EDA: variants seen among roughly 807,000 people sequenced by gnomAD.
EDA encodes the protein ectodysplasin-A.
EDA carries 2 observed loss-of-function variants against 23.6 expected under a neutral mutation model. The ratio of observed to expected loss-of-function variants is 0.08; its 90% CI spans 0.03 to 0.27. The LOEUF (loss-of-function observed/expected upper bound fraction) is 0.27, where lower values mean the gene tolerates loss of function less well. Among genes scored for constraint, EDA ranks in the 10% least tolerant of loss-of-function variants. The pLI, the probability that EDA is intolerant of heterozygous loss-of-function variation, is 1.00. For synonymous variants in EDA, 131 were observed against 132.0 expected, an observed-to-expected ratio of 0.99 and a Z score of 0.05; for missense variants, 229 against 324.2, an observed-to-expected ratio of 0.71 and a Z score of 2.26.
At chrX:69,740,365 T>C (rs2013414948) in intron 1 of EDA, among the ~76,000 whole-genome samples, 1 of 111,570 alleles carries the variant, frequency 9.0e-6, no homozygotes, top group African/African-American at 3.2e-5. Context: ...TATAGGACTA[T>C]CTATATCATC....
At chrX:69,855,354 G>A (rs59445027) in intron 1 of EDA, among the ~76,000 whole-genome samples, 33,281 of 110,796 alleles carry the variant, frequency 0.3, 4,696 homozygotes, top group Middle Eastern at 0.55. Context: ...GTTGCTTTTG[G>A]AAAGCAAAGA....
chrX:70,014,013 G>A (rs1346767331), intron 2 of EDA, among the ~76,000 whole-genome samples: 1 of 112,218 alleles, frequency 8.9e-6, no homozygotes, highest in African/African-American at 3.2e-5. Flanking sequence ...CTGGGGTGGA[G>A]CTCCAAGATA....
At chrX:69,952,786 G>C (rs916635780) in intron 1 of EDA, among the ~76,000 whole-genome samples, 1 of 111,292 alleles carries the variant, frequency 9.0e-6, no homozygotes, top group Non-Finnish European at 1.9e-5. Context: ...GCTCCTATTA[G>C]ACCCTTAGAA....
intron 1 of EDA, among the ~76,000 whole-genome samples, chrX:69,888,978 T>TTATATATA (rs935436674): frequency 0.023 from 365 of 15,947 alleles, 23 homozygotes; most frequent in Non-Finnish European, 0.027. Flanking sequence ...TGTGGGGTAG[T>TTATATATA]TATATATATA....
chrX:69,681,038 A>C (rs1367488021), intron 1 of EDA, among the ~76,000 whole-genome samples: 1 of 108,974 alleles, frequency 9.2e-6, no homozygotes, highest in African/African-American at 3.4e-5. Context: ...ATCTCTCAGC[A>C]TTTGCTTGTG....
In EDA at chrX:69,616,341, C is replaced by G; in HGVS notation, c.33C>G (p.Leu11=). ...ACCCGGAGGTGGAGCGCAGGGAACT[C>G]CTGCCTGCAGCAGCGCCGCGGGAGC... is the stretch of plus-strand genomic sequence containing the variant. MGYPEVERRE[L]LPAAAPRERG... is the part of the protein sequence containing the mutation. The change falls in exon 1 of 8, where the codon CTC becomes CTG. Residue 11 remains leucine (L), a synonymous_variant. Coordinates refer to ENST00000374552, the MANE Select transcript of EDA (RefSeq NM_001399.5). 8.3e-7 allele frequency: 1 copy of G among 1,203,946 alleles called. No homozygotes were observed. The highest frequency in any genetic ancestry group is 1.1e-6 in the Non-Finnish European group (1 of 894,213).
At chrX:69,688,528 G>A (rs1934612564) in intron 1 of EDA, among the ~76,000 whole-genome samples, 1 of 111,215 alleles carries the variant, frequency 9.0e-6, no homozygotes, top group South Asian at 3.8e-4. Context: ...AGCCTCCCAA[G>A]TAGCTGAGAT....
intron 1 of EDA, among the ~76,000 whole-genome samples, chrX:69,817,561 G>A (rs1388257458): frequency 8.9e-6 from 1 of 111,797 alleles, no homozygotes; most frequent in Non-Finnish European, 1.9e-5. Flanking sequence ...AAAAGCAAAG[G>A]TTGCAATACT....
chrX:69,823,267 G>A (rs1473649048), intron 1 of EDA, among the ~76,000 whole-genome samples: 24 of 76,347 alleles, frequency 3.1e-4, no homozygotes, highest in South Asian at 7.7e-4. Context: ...CTGAGGAATC[G>A]CCACACTGAC....
intron 1 of EDA, among the ~76,000 whole-genome samples, chrX:69,632,434 A>G (rs139873790): frequency 2.0e-4 from 22 of 112,292 alleles, no homozygotes; most frequent in African/African-American, 6.1e-4. Context: ...TCAGTTCTAC[A>G]TGAAAGACTG....
intron 1 of EDA, among the ~76,000 whole-genome samples, chrX:69,831,966 A>G (rs1477885667): frequency 1.8e-5 from 2 of 110,395 alleles, no homozygotes; most frequent in Admixed American, 9.6e-5. Context: ...GACGGCAAAA[A>G]TTTTCTCCCA....
intron 2 of EDA, among the ~76,000 whole-genome samples, chrX:69,967,884 A>G (rs961306869): frequency 8.9e-6 from 1 of 112,070 alleles, no homozygotes; most frequent in African/African-American, 3.2e-5. Flanking sequence ...AGTAAGAAAG[A>G]TGTTGGCAAC....
At chrX:69,749,918 G>GC (rs2013759298) in intron 1 of EDA, among the ~76,000 whole-genome samples, 2 of 28,979 alleles carry the variant, frequency 6.9e-5, no homozygotes, top group Non-Finnish European at 1.9e-4. Context: ...CTCTCACTAA[G>GC]GTTCTTTTTT....
intron 1 of EDA, among the ~76,000 whole-genome samples, chrX:69,863,546 C>T (rs369648990): frequency 1.6e-4 from 5 of 31,844 alleles, no homozygotes; most frequent in African/African-American, 2.7e-4. Context: ...TATATATATA[C>T]ATATATGTAT....
chrX:69,758,554 C>G (rs2014196711), intron 1 of EDA, among the ~76,000 whole-genome samples: 1 of 112,551 alleles, frequency 8.9e-6, no homozygotes, highest in South Asian at 3.7e-4. Flanking sequence ...AGTTTGAAGG[C>G]CAGGCGTGGT....
intron 1 of EDA, among the ~76,000 whole-genome samples, chrX:69,884,893 A>C (rs1465509757): frequency 8.9e-6 from 1 of 112,394 alleles, no homozygotes; most frequent in Non-Finnish European, 1.9e-5. Flanking sequence ...AGGAACTGCC[A>C]AACTGTCTTC....
chrX:69,938,258 C>T lies in EDA; in HGVS notation c.397-18769C>T, dbSNP rs755059673. On this transcript the variant is annotated intron_variant, in intron 1 of 7. Coordinates refer to ENST00000374552, the MANE Select transcript of EDA (RefSeq NM_001399.5). ...CGTGGTGCGCTGTCACTTTTCGCAC[C>T]GCCTGTCTTTTGAATAAAAGTTAAA... 3.6e-5 allele frequency among the ~76,000 whole-genome samples: 4 copies of T among 110,832 alleles called. No homozygotes were observed. In the East Asian group the frequency reaches 8.6e-4, roughly 24 times the overall value.
intron 1 of EDA, among the ~76,000 whole-genome samples, chrX:69,832,907 T>C (rs1489389436): frequency 1.8e-5 from 2 of 112,111 alleles, no homozygotes; most frequent in East Asian, 2.8e-4. Context: ...GAGACTTTGC[T>C]GAAGTTGCTT....
intron 1 of EDA, among the ~76,000 whole-genome samples, chrX:69,938,229 A>G (rs2018705195): frequency 9.0e-6 from 1 of 110,802 alleles, no homozygotes; most frequent in African/African-American, 3.3e-5. Context: ...GATCTGCACC[A>G]CACCGTGGTG....
Sources: allele counts gnomAD v4.1 joint callset (sites outside exome capture counted in the v4.1 genomes callset), GRCh38; gene constraint gnomAD v4.1.1; transcripts MANE v1.5; gene names NCBI Gene and HGNC (gene_info 2026-07-23, HGNC 2026-07-21).